Variants in DOCK4 observed in about 807,000 individuals in gnomAD.
The protein encoded by DOCK4 is dedicator of cytokinesis 4, also known as dedicator of cytokinesis protein 4.
DOCK4 carries 97 observed loss-of-function variants against 268.1 expected under a neutral mutation model. The ratio of observed to expected loss-of-function variants is 0.36; its 90% CI spans 0.31 to 0.43. The LOEUF is 0.43. Among genes scored for constraint, DOCK4 ranks in the 20% least tolerant of loss-of-function variants. The pLI is 1.00. For synonymous variants in DOCK4, 954 were observed against 887.2 expected (o/e 1.08, Z -1.34); for missense variants, 2,145 against 2,455.7 (o/e 0.87, Z 2.67).
At chr7:111,900,566 G>A (rs779318553) in intron 14 of DOCK4, 30 bp from the exon 15 acceptor site, 3 of 1,593,064 alleles carry the variant, frequency 1.9e-6, no homozygotes, top group Admixed American at 1.8e-5. Flanking sequence ...ACAGGTTAAA[G>A]AGAGCTTCAT....
Position 112,018,143 on chromosome 7 carries a change from C to CA in DOCK4, c.38-14013dup, listed in dbSNP as rs140883588. Reference sequence around the variant, plus strand: ...TGGGCAACACAGCAAGACTCCAGCTCAAAAAAAAAAAAAAAAAAAAAAAAA... The same window carrying CA: ...TGGGCAACACAGCAAGACTCCAGCTCAAAAAAAAAAAAAAAAAAAAAAAAAA... On this transcript the variant is annotated intron_variant, in intron 1 of 52. Coordinates refer to ENST00000428084, the MANE Select transcript of DOCK4 (RefSeq NM_001363540.2). Among the ~76,000 whole-genome samples the CA allele has an allele frequency of 9.5e-3, 196 of 20,640 alleles. 69 individuals are homozygous for CA. The highest frequency in any genetic ancestry group is 0.03 in the East Asian group (6 of 198). 13.5% of individuals were successfully genotyped at this position (20,640 alleles called of 152,430 possible). A position where few individuals can be genotyped will look rare whatever the true frequency, so the allele number is the denominator to read the frequency against.
intron 1 of DOCK4, among the ~76,000 whole-genome samples, chr7:112,169,755 A>C (rs1563153033): frequency 6.6e-6 from 1 of 152,194 alleles, no homozygotes; most frequent in Non-Finnish European, 1.5e-5. Context: ...TTCTTTCTCA[A>C]CTGCAAAATC....
intron 1 of DOCK4, among the ~76,000 whole-genome samples, chr7:112,196,766 T>C (rs1353414786): frequency 6.6e-6 from 1 of 152,164 alleles, no homozygotes; most frequent in East Asian, 1.9e-4. Flanking sequence ...TCCAGCTTTA[T>C]TGAGGTATTG....
intron 10 of DOCK4, among the ~76,000 whole-genome samples, chr7:111,944,425 C>G (rs1459253594): frequency 6.6e-6 from 1 of 152,090 alleles, no homozygotes; most frequent in Non-Finnish European, 1.5e-5. Flanking sequence ...TGGAAAATGC[C>G]AATTTATACA....
At chr7:112,203,870 T>TAAC (rs1821159096) in intron 1 of DOCK4, among the ~76,000 whole-genome samples, 4 of 145,730 alleles carry the variant, frequency 2.7e-5, no homozygotes, top group Admixed American at 2.0e-4. Context: ...CACACACGCC[T>TAAC]AACAGATGGA....
chr7:111,830,770 T>G (rs1244365114), intron 26 of DOCK4, among the ~76,000 whole-genome samples: 2 of 152,044 alleles, frequency 1.3e-5, no homozygotes, highest in African/African-American at 4.8e-5. Context: ...CTTGAAACAC[T>G]GCATACAATC....
intron 1 of DOCK4, among the ~76,000 whole-genome samples, chr7:112,147,419 C>T (rs920320383): frequency 1.3e-5 from 2 of 152,192 alleles, no homozygotes; most frequent in African/African-American, 4.8e-5. Context: ...ATGTCTACCA[C>T]CTTTAGCTCT....
At chr7:112,105,806 AG>A (rs1348937025) in intron 1 of DOCK4, among the ~76,000 whole-genome samples, 3 of 151,460 alleles carry the variant, frequency 2.0e-5, no homozygotes, top group African/African-American at 7.3e-5. Context: ...CTCCCACCTC[AG>A]CCTCCCAGGT....
At chr7:112,074,164 AG>A (rs1361126098) in intron 1 of DOCK4, among the ~76,000 whole-genome samples, 3 of 152,206 alleles carry the variant, frequency 2.0e-5, no homozygotes, top group Non-Finnish European at 2.9e-5. Context: ...TAATTTCTCC[AG>A]GTTTTACAAA....
chr7:112,075,621 A>C (rs1807992797), intron 1 of DOCK4, among the ~76,000 whole-genome samples: 1 of 152,210 alleles, frequency 6.6e-6, no homozygotes, highest in Admixed American at 6.6e-5. Context: ...GAATTTGAGC[A>C]TATCTCAAAA....
chr7:111,801,529 C>T (rs2133859453), intron 30 of DOCK4, among the ~76,000 whole-genome samples: 1 of 152,288 alleles, frequency 6.6e-6, no homozygotes, highest in Admixed American at 6.5e-5. Context: ...TTTCCATACC[C>T]ATTATGTGTG....
At chr7:111,876,883 GC>G in intron 17 of DOCK4, 146 bp downstream of exon 17, 1 of 689,492 alleles carries the variant, frequency 1.5e-6, no homozygotes, top group South Asian at 7.1e-5. Context: ...GGTCACATTT[GC>G]TTCCATTTTA....
chr7:111,824,192 G>A (rs1000163102), intron 26 of DOCK4, among the ~76,000 whole-genome samples: 1 of 152,140 alleles, frequency 6.6e-6, no homozygotes, highest in Non-Finnish European at 1.5e-5. Flanking sequence ...TCTCTTGGGA[G>A]AGTAGGTCAT....
rs758982050 is a variant in DOCK4, at chr7:111,927,731, T to G, written c.1066+7809A>C. ...AGGAATCCATGGGCTGCAAACCATTTAAAAAATGTGTATAGAGCATAGTGA... is the reference window on the plus strand; with the variant it reads ...AGGAATCCATGGGCTGCAAACCATTGAAAAAATGTGTATAGAGCATAGTGA... On this transcript the variant is annotated intron_variant, in intron 12 of 52. Transcript: ENST00000428084. Among the ~76,000 whole-genome samples, 6 of 152,272 alleles carry G rather than the reference T, an allele frequency of 3.9e-5. 1 individual carries two copies. Among genetic ancestry groups the G allele is most frequent in the Middle Eastern group, 6.8e-3 (2 of 294 alleles).
intron 8 of DOCK4, among the ~76,000 whole-genome samples, chr7:111,947,704 T>A (rs1349730414): frequency 6.6e-6 from 1 of 152,146 alleles, no homozygotes; most frequent in African/African-American, 2.4e-5. Context: ...TAAAATTCAT[T>A]ATTATTTCAA....
intron 15 of DOCK4, among the ~76,000 whole-genome samples, chr7:111,899,016 T>C (rs538737103): frequency 6.6e-6 from 1 of 152,194 alleles, no homozygotes; most frequent in Non-Finnish European, 1.5e-5. Context: ...ATAACAAAGA[T>C]TGATGGAAGA....
At position 111,785,558 on chromosome 7, in the gene DOCK4, C is replaced by A. The variant is rs1336500961; in HGVS notation, c.3402-1435G>T. 2.6e-5 allele frequency among the ~76,000 whole-genome samples: 4 copies of A among 152,286 alleles called. No individual in the cohort carries two copies. In the East Asian group the frequency reaches 5.8e-4, roughly 22 times the overall value. Reference sequence around the variant, plus strand: ...GGCAAAGTTATGCACAACCTGTTTCCTTGACTAACTCAAGACCAAATGTTA... The same window carrying A: ...GGCAAAGTTATGCACAACCTGTTTCATTGACTAACTCAAGACCAAATGTTA... On this transcript the variant is annotated intron_variant, in intron 32 of 52. Coordinates refer to ENST00000428084, the MANE Select transcript of DOCK4 (RefSeq NM_001363540.2).
intron 13 of DOCK4, among the ~76,000 whole-genome samples, chr7:111,908,365 A>G (rs1562873017): frequency 1.3e-5 from 2 of 152,098 alleles, no homozygotes; most frequent in South Asian, 2.1e-4. Flanking sequence ...GGAGGATGGC[A>G]TGAACATGGA....
rs373786890 is a variant in DOCK4 at position 111,923,543 on chromosome 7, CT to C, written c.1067-7640del. ...TGACTTTTATTTATCCTGCTTATAACTTTCACTTCTTTTATCTGGGCATTTT... is the reference window on the plus strand; with the variant it reads ...TGACTTTTATTTATCCTGCTTATAACTTCACTTCTTTTATCTGGGCATTTT... On this transcript the variant is annotated intron_variant, in intron 12 of 52. Coordinates refer to ENST00000428084, the MANE Select transcript of DOCK4 (RefSeq NM_001363540.2). Among the ~76,000 whole-genome samples, 29 of 152,242 alleles carry C rather than the reference CT, an allele frequency of 1.9e-4. 2 individuals carry two copies. Among genetic ancestry groups the C allele is most frequent in the African/African-American group, 6.5e-4 (27 of 41,552 alleles).
Sources: gnomAD v4.1 joint callset for allele counts (sites outside exome capture counted in the v4.1 genomes callset) on GRCh38, gnomAD v4.1.1 for gene constraint, MANE v1.5 for transcripts, NCBI Gene and HGNC (gene_info 2026-07-23, HGNC 2026-07-21) for gene names.